Variants in AUTS2 observed in about 807,000 individuals in gnomAD.
The protein encoded by AUTS2 is autism susceptibility gene 2 protein.
In AUTS2, 17 loss-of-function variants were observed where a neutral mutation model predicts 112.4. The observed-to-expected ratio is 0.15, with a 90% CI of 0.10 to 0.23. AUTS2 has a LOEUF of 0.23. Ranked by LOEUF, AUTS2 falls within the 10% of genes least tolerant of loss-of-function variation. The pLI, the probability that AUTS2 is intolerant of heterozygous loss-of-function variation, is 1.00. For synonymous variants in AUTS2, 751 were observed against 702.7 expected (o/e 1.07, Z -1.09); for missense variants, 1,510 against 1,701.6 (o/e 0.89, Z 1.98).
chr7:70,788,221 T>C (rs953572570), intron 18 of AUTS2, among the ~76,000 whole-genome samples: 3 of 152,192 alleles, frequency 2.0e-5, no homozygotes, highest in African/African-American at 4.8e-5. Flanking sequence ...AAATACCTAA[T>C]CCCAATTTCC....
At chr7:70,040,190 C>T (rs938936363) in intron 2 of AUTS2, among the ~76,000 whole-genome samples, 7 of 152,034 alleles carry the variant, frequency 4.6e-5, no homozygotes, top group African/African-American at 1.7e-4. Context: ...AGAGTAAACC[C>T]TAATGTAAAC....
intron 4 of AUTS2, among the ~76,000 whole-genome samples, chr7:70,183,913 C>T (rs1809465157): frequency 1.3e-5 from 2 of 149,822 alleles, no homozygotes; most frequent in South Asian, 2.1e-4. Flanking sequence ...AATTTAGTTG[C>T]ACCATTTTAT....
In AUTS2 at chr7:70,203,902, G is replaced by C. The variant is rs867867944; in HGVS notation, c.660+69331G>C. ...AGAGAGAAGAAGGGAGTGTGCACGT[G>C]ATCGAGAATTATGTTTTGAAAATAA... On this transcript the variant is annotated intron_variant, in intron 4 of 18. Transcript: ENST00000342771. 1.3e-5 allele frequency among the ~76,000 whole-genome samples: 2 copies of C among 150,754 alleles called. 1 individual carries two copies. Among genetic ancestry groups the C allele is most frequent in the Middle Eastern group, 6.8e-3 (2 of 294 alleles).
At chr7:69,813,086 C>T (rs910347379) in intron 1 of AUTS2, among the ~76,000 whole-genome samples, 2 of 152,162 alleles carry the variant, frequency 1.3e-5, no homozygotes, top group African/African-American at 4.8e-5. Flanking sequence ...GGTCTAGTGC[C>T]TGCTATCTCT....
At chr7:69,844,767 G>A (rs1178536798) in intron 1 of AUTS2, among the ~76,000 whole-genome samples, 1 of 152,084 alleles carries the variant, frequency 6.6e-6, no homozygotes, top group Non-Finnish European at 1.5e-5. Flanking sequence ...AGTTTTATCG[G>A]TAGATCTTAG....
intron 2 of AUTS2, among the ~76,000 whole-genome samples, chr7:69,932,979 C>T (rs543856343): frequency 9.2e-5 from 14 of 152,244 alleles, no homozygotes; most frequent in Admixed American, 1.3e-4. Context: ...CATTTTGCCC[C>T]AGTGAAGTAA....
intron 5 of AUTS2, among the ~76,000 whole-genome samples, chr7:70,643,339 G>A (rs373668079): frequency 9.2e-5 from 14 of 152,348 alleles, no homozygotes; most frequent in East Asian, 5.8e-4. Flanking sequence ...CTGGGAGGCC[G>A]AGGTGGGCAG....
intron 4 of AUTS2, among the ~76,000 whole-genome samples, chr7:70,145,807 T>A (rs984659798): frequency 6.6e-6 from 1 of 152,132 alleles, no homozygotes; most frequent in African/African-American, 2.4e-5. Flanking sequence ...TTTCTTTAAT[T>A]TTCAAACAAA....
chr7:69,645,496 T>A (rs1794984249), intron 1 of AUTS2, among the ~76,000 whole-genome samples: 1 of 152,184 alleles, frequency 6.6e-6, no homozygotes, highest in Non-Finnish European at 1.5e-5. Flanking sequence ...GAAACAGGAA[T>A]CATAAATCTT....
At chr7:70,051,062 G>A (rs1383831106) in intron 2 of AUTS2, among the ~76,000 whole-genome samples, 1 of 152,186 alleles carries the variant, frequency 6.6e-6, no homozygotes, top group Non-Finnish European at 1.5e-5. Context: ...CCTGCCAAGG[G>A]GATGAGCAAA....
intron 6 of AUTS2, among the ~76,000 whole-genome samples, chr7:70,721,248 G>C (rs7458754): frequency 0.026 from 3,941 of 149,634 alleles, 200 homozygotes; most frequent in African/African-American, 0.09. Flanking sequence ...GAGGCCACAC[G>C]ACTGACGTGT....
chr7:70,308,740 T>C (rs1789600322), intron 4 of AUTS2, among the ~76,000 whole-genome samples: 1 of 152,194 alleles, frequency 6.6e-6, no homozygotes, highest in Non-Finnish European at 1.5e-5. Flanking sequence ...CACAAGTATA[T>C]CTTTATCCTT....
chr7:70,729,792 A>G (rs1241282351), intron 6 of AUTS2, among the ~76,000 whole-genome samples: 1 of 152,212 alleles, frequency 6.6e-6, no homozygotes, highest in African/African-American at 2.4e-5. Flanking sequence ...TGAACTGTAT[A>G]AGCACAATGT....
intron 2 of AUTS2, among the ~76,000 whole-genome samples, chr7:69,983,592 A>C (rs1489884204): frequency 6.6e-6 from 1 of 152,142 alleles, no homozygotes; most frequent in East Asian, 1.9e-4. Context: ...TTTGTAGATC[A>C]AACAATTGAT....
At chr7:70,112,449 A>G (rs1805134835) in intron 2 of AUTS2, among the ~76,000 whole-genome samples, 1 of 152,038 alleles carries the variant, frequency 6.6e-6, no homozygotes, top group Non-Finnish European at 1.5e-5. Flanking sequence ...AATTTACTGT[A>G]TATTAACTAA....
At chr7:70,768,098 AT>A in intron 10 of AUTS2, 30 bp downstream of exon 10, 1 of 1,579,954 alleles carries the variant, frequency 6.3e-7, no homozygotes, top group Non-Finnish European at 8.6e-7. Context: ...TACACATTGA[AT>A]GTAACTGCTT....
At chr7:69,928,741 C>A (rs1796122182) in intron 2 of AUTS2, among the ~76,000 whole-genome samples, 1 of 152,086 alleles carries the variant, frequency 6.6e-6, no homozygotes, top group African/African-American at 2.4e-5. Context: ...CACATGGATG[C>A]TTGGGTCTGT....
intron 4 of AUTS2, among the ~76,000 whole-genome samples, chr7:70,401,201 C>T (rs1046184233): frequency 1.3e-5 from 2 of 152,092 alleles, no homozygotes; most frequent in African/African-American, 4.8e-5. Flanking sequence ...AACAGAATCC[C>T]CTGGGGACCT....
intron 5 of AUTS2, among the ~76,000 whole-genome samples, chr7:70,633,091 G>A (rs1364721872): frequency 1.3e-5 from 2 of 152,228 alleles, no homozygotes; most frequent in African/African-American, 4.8e-5. Context: ...GGGCAAGACA[G>A]TGACTGTCCG....
Sources: allele counts gnomAD v4.1 joint callset (sites outside exome capture counted in the v4.1 genomes callset), GRCh38; gene constraint gnomAD v4.1.1; transcripts MANE v1.5; gene names NCBI Gene and HGNC (gene_info 2026-07-23, HGNC 2026-07-21).